ARMC9: variants seen among roughly 807,000 people sequenced by gnomAD.
The protein encoded by ARMC9 is lisH domain-containing protein ARMC9.
In ARMC9, 94 loss-of-function variants were observed where a neutral mutation model predicts 107.0. The observed-to-expected ratio is 0.88, with a 90% CI of 0.74 to 1.04. The LOEUF (loss-of-function observed/expected upper bound fraction) is 1.04, where lower values mean the gene tolerates loss of function less well. ARMC9 is among the 50% of genes least tolerant of loss of function. The pLI is 0.00. For missense variants in ARMC9, 942 were observed against 1,030.1 expected (o/e 0.91, Z 1.17); for synonymous variants, 380 against 396.9 (o/e 0.96, Z 0.51).
intron 21 of ARMC9, among the ~76,000 whole-genome samples, chr2:231,355,208 G>A (rs114520624): frequency 0.014 from 2,056 of 152,198 alleles, 49 homozygotes; most frequent in African/African-American, 0.047. Context: ...GTGTGGAGGC[G>A]CCCATCTGTA....
chr2:231,316,867 A>G (rs1027133081), intron 19 of ARMC9, among the ~76,000 whole-genome samples: 1 of 152,026 alleles, frequency 6.6e-6, no homozygotes, highest in Non-Finnish European at 1.5e-5. Flanking sequence ...GGTTCAAGCA[A>G]TTCTCATGCC....
chr2:231,278,671 T>C (rs1574921937), intron 16 of ARMC9, among the ~76,000 whole-genome samples: 1 of 152,364 alleles, frequency 6.6e-6, no homozygotes, highest in East Asian at 1.9e-4. Context: ...TTTCCGTCCC[T>C]GTCTGCTTGG....
At position 231,216,745 on chromosome 2, in the gene ARMC9, T is replaced by G. The variant is rs1027349978; in HGVS notation, c.456T>G (p.Pro152=). 7 of 1,614,078 alleles carry G rather than the reference T, an allele frequency of 4.3e-6. No homozygotes were observed. The highest frequency in any genetic ancestry group is 5.9e-6 in the Non-Finnish European group (7 of 1,179,952). ...TTEFLPFYAL[P]FVPNPMVHPS... is the part of the protein sequence containing the mutation. ...AGTTTCTTCCTTTCTATGCCCTTCC[T>G]TTTGTTCCCAACCCTATGGTGCACC... The change falls in exon 5 of 25, where the codon CCT becomes CCG. Residue 152 remains proline (P), a synonymous_variant. Transcript: ENST00000611582.
chr2:231,278,496 G>A, intron 16 of ARMC9, 38 bp downstream of exon 16: 1 of 1,594,928 alleles, frequency 6.3e-7, no homozygotes, highest in Non-Finnish European at 8.6e-7. Flanking sequence ...GCTCGGGGAG[G>A]CTACACTGGG....
intron 19 of ARMC9, among the ~76,000 whole-genome samples, chr2:231,322,843 C>T (rs1017649510): frequency 6.6e-6 from 1 of 152,176 alleles, no homozygotes; most frequent in Non-Finnish European, 1.5e-5. Context: ...AAGACCCACC[C>T]TAACGAGGCA....
intron 20 of ARMC9, among the ~76,000 whole-genome samples, chr2:231,334,424 C>G (rs1051693701): frequency 1.3e-5 from 2 of 152,234 alleles, no homozygotes; most frequent in African/African-American, 4.8e-5. Context: ...CCCTGGCCTG[C>G]CTTCACATGG....
At chr2:231,279,780 G>T (rs1413491255) in intron 16 of ARMC9, among the ~76,000 whole-genome samples, 2 of 152,028 alleles carry the variant, frequency 1.3e-5, no homozygotes, top group African/African-American at 2.4e-5. Context: ...AAAATGCTGG[G>T]ATTACAAGCC....
rs138648024 is a variant in ARMC9 at position 231,248,490 on chromosome 2, T to C, written c.880-8096T>C. Among the ~76,000 whole-genome samples, 10 of 152,238 alleles carry C rather than the reference T, an allele frequency of 6.6e-5. No homozygotes were observed. In the East Asian group the frequency reaches 1.9e-3, roughly 29 times the overall value. The stretch of plus-strand genomic sequence containing the variant: ...AGGGTGAAGTGGTTTTCATCTCTTT[T>C]AACGTGCAAGTGCCCCTTCTCGTTA... On this transcript the variant is annotated intron_variant, in intron 9 of 24. Coordinates refer to ENST00000611582, the MANE Select transcript of ARMC9 (RefSeq NM_001352754.2).
intron 3 of ARMC9, 46 bp downstream of exon 3, chr2:231,208,298 T>C: frequency 2.0e-6 from 3 of 1,467,410 alleles, no homozygotes; most frequent in Middle Eastern, 1.7e-4. Flanking sequence ...TTCAGGATGC[T>C]CCCAACTTGT....
At chr2:231,274,890 CAG>C (rs1204846478) in intron 14 of ARMC9, among the ~76,000 whole-genome samples, 1 of 152,166 alleles carries the variant, frequency 6.6e-6, no homozygotes, top group Non-Finnish European at 1.5e-5. Flanking sequence ...GTAAGTGCTG[CAG>C]AGTCATTACT....
chr2:231,366,777 G>T (rs554271076), intron 23 of ARMC9, among the ~76,000 whole-genome samples: 5 of 151,414 alleles, frequency 3.3e-5, no homozygotes, highest in African/African-American at 1.2e-4. Context: ...TGAGGCGGAG[G>T]TTGCAGTGAC....
intron 17 of ARMC9, among the ~76,000 whole-genome samples, chr2:231,283,339 A>T (rs1210403660): frequency 6.6e-6 from 1 of 152,188 alleles, no homozygotes; most frequent in African/African-American, 2.4e-5. Flanking sequence ...TGTCTAGGAA[A>T]CCCCTAAATG....
At chr2:231,292,204 A>T (rs996036410) in intron 18 of ARMC9, among the ~76,000 whole-genome samples, 1 of 152,020 alleles carries the variant, frequency 6.6e-6, no homozygotes, top group Admixed American at 6.6e-5. Flanking sequence ...CAGGTAGTCA[A>T]GGCCAGATTG....
chr2:231,209,144 C>T lies in ARMC9; in HGVS notation c.177+892C>T, dbSNP rs138363562. Among the ~76,000 whole-genome samples, 381 of 152,190 alleles carry T rather than the reference C, an allele frequency of 2.5e-3. 3 individuals are homozygous for T. Among genetic ancestry groups the T allele is most frequent in the East Asian group, 0.021 (110 of 5,176 alleles). On this transcript the variant is annotated intron_variant, in intron 3 of 24. Transcript: ENST00000611582. ...CTTGAACTCCTGACCTCAAGTGATC[C>T]GCCCGCCTTGGCCTCCCAAAAGTGC...
intron 17 of ARMC9, among the ~76,000 whole-genome samples, chr2:231,289,212 A>G (rs2040819248): frequency 1.3e-5 from 2 of 152,202 alleles, no homozygotes; most frequent in South Asian, 4.1e-4. Context: ...CACACCTGTA[A>G]TCCCACCACT....
At chr2:231,241,930 G>A (rs1223240333) in intron 9 of ARMC9, among the ~76,000 whole-genome samples, 1 of 152,096 alleles carries the variant, frequency 6.6e-6, no homozygotes, top group Non-Finnish European at 1.5e-5. Flanking sequence ...TATAAAGCAG[G>A]AGAGGGCAGT....
chr2:231,221,911 T>G (rs2034176985), intron 5 of ARMC9, among the ~76,000 whole-genome samples: 1 of 143,580 alleles, frequency 7.0e-6, no homozygotes. Flanking sequence ...GCTAGAATGA[T>G]TGGGTGGGGG....
intron 19 of ARMC9, among the ~76,000 whole-genome samples, chr2:231,308,988 G>A (rs2042188508): frequency 6.6e-6 from 1 of 152,250 alleles, no homozygotes; most frequent in African/African-American, 2.4e-5. Context: ...GTAAAGAAGT[G>A]TCTGTCTTAT....
rs2046070116 is a variant in ARMC9 at position 231,372,702 on chromosome 2, GTGTGTGTGTGT to G, written c.*1168_*1178del. The G allele has an allele frequency of 1.2e-4, 1 of 8,274 alleles. No individual in the cohort carries two copies. Among genetic ancestry groups the G allele is most frequent in the Non-Finnish European group, 3.5e-4 (1 of 2,872 alleles). 0.5% of individuals were successfully genotyped at this position (8,274 alleles called of 1,614,324 possible). On this transcript the variant is annotated 3_prime_UTR_variant, in exon 25 of 25. Coordinates refer to ENST00000611582, the MANE Select transcript of ARMC9 (RefSeq NM_001352754.2). ...ATAAAACCCATCAGTATTTAGTGGT[GTGTGTGTGTGT>G]GTGTGTGTGTGTGTGTGTGTGTGTG...
Sources: allele counts gnomAD v4.1 joint callset (sites outside exome capture counted in the v4.1 genomes callset), GRCh38; gene constraint gnomAD v4.1.1; transcripts MANE v1.5; gene names NCBI Gene and HGNC (gene_info 2026-07-23, HGNC 2026-07-21).